TENM2: variants seen among roughly 807,000 people sequenced by gnomAD.
TENM2 encodes teneurin transmembrane protein 2.
A neutral mutation model predicts 245.2 loss-of-function variants in TENM2; 52 were observed. That is an observed-to-expected ratio of 0.21 (90% confidence interval 0.17 to 0.27). The LOEUF is 0.27. Ranked by LOEUF, TENM2 falls within the 10% of genes least tolerant of loss-of-function variation. The probability of loss-of-function intolerance (pLI) is 1.00; values close to 1 mark genes in which losing one functional copy is unlikely to be tolerated. For synonymous variants in TENM2, 1,363 were observed against 1,438.9 expected (o/e 0.95, Z 1.19); for missense variants, 3,046 against 3,666.8 (o/e 0.83, Z 4.37).
Position 168,052,079 on chromosome 5 carries a change from G to A in TENM2, c.1309+4530G>A, listed in dbSNP as rs139609211. ...GGTCGAGACCAGCCTGGGCAACAAA[G>A]TGAGACCTCATCCCTATTTTTAAAA... On this transcript the variant is annotated intron_variant, in intron 6 of 28. Transcript: ENST00000518659. 2.6e-5 allele frequency among the ~76,000 whole-genome samples: 4 copies of A among 152,004 alleles called. No homozygotes were observed. The East Asian group carries it at 7.8e-4, about 29-fold the overall frequency.
At chr5:167,350,411 A>ATGTGTGTG (rs745887386) in intron 1 of TENM2, among the ~76,000 whole-genome samples, 1 of 88,436 alleles carries the variant, frequency 1.1e-5, no homozygotes, top group African/African-American at 4.4e-5. Flanking sequence ...ATATACATAT[A>ATGTGTGTG]TATGTGTGTG....
At chr5:167,960,685 C>G (rs1780944447) in intron 4 of TENM2, among the ~76,000 whole-genome samples, 1 of 152,140 alleles carries the variant, frequency 6.6e-6, no homozygotes, top group Non-Finnish European at 1.5e-5. Flanking sequence ...TTGCTTCAGC[C>G]CCCTTTCCAG....
chr5:167,667,892 T>C (rs1755675353), intron 2 of TENM2, among the ~76,000 whole-genome samples: 1 of 152,194 alleles, frequency 6.6e-6, no homozygotes, highest in South Asian at 2.1e-4. Flanking sequence ...TCTGAGCACT[T>C]AAGATATGGC....
At chr5:168,082,269 T>A (rs1418780660) in intron 7 of TENM2, among the ~76,000 whole-genome samples, 1 of 152,236 alleles carries the variant, frequency 6.6e-6, no homozygotes, top group Non-Finnish European at 1.5e-5. Flanking sequence ...CGTGCCATGG[T>A]TTCAGCTCCA....
intron 2 of TENM2, among the ~76,000 whole-genome samples, chr5:167,471,660 C>T (rs1402980706): frequency 6.6e-6 from 1 of 152,166 alleles, no homozygotes; most frequent in Non-Finnish European, 1.5e-5. Flanking sequence ...AACAGAACAG[C>T]GTGGCAGACT....
chr5:168,091,645 A>C (rs766838497), intron 8 of TENM2, among the ~76,000 whole-genome samples: 1 of 152,212 alleles, frequency 6.6e-6, no homozygotes, highest in Non-Finnish European at 1.5e-5. Flanking sequence ...CAGAAGAATA[A>C]ATTGAGATTC....
intron 2 of TENM2, among the ~76,000 whole-genome samples, chr5:167,572,550 A>G (rs1443566693): frequency 2.0e-5 from 3 of 152,174 alleles, no homozygotes; most frequent in African/African-American, 7.2e-5. Context: ...TCTGCTTACC[A>G]TGAAAGGTAA....
At chr5:167,682,537 A>G (rs1756802120) in intron 2 of TENM2, among the ~76,000 whole-genome samples, 1 of 152,162 alleles carries the variant, frequency 6.6e-6, no homozygotes, top group South Asian at 2.1e-4. Flanking sequence ...TAAAATGATT[A>G]TCAATAATTT....
the TENM2 span, among the ~76,000 whole-genome samples, chr5:167,027,852 G>T: frequency 2.0e-4 from 30 of 152,116 alleles, no homozygotes; most frequent in African/African-American, 7.2e-4. Flanking sequence ...GCCGAGGCAG[G>T]TGGATCATTT....
At chr5:167,417,437 A>G (rs1338367942) in intron 2 of TENM2, among the ~76,000 whole-genome samples, 4 of 152,182 alleles carry the variant, frequency 2.6e-5, no homozygotes, top group Non-Finnish European at 5.9e-5. Context: ...AATTTTTATT[A>G]TAGCCCCTCA....
intron 4 of TENM2, among the ~76,000 whole-genome samples, chr5:167,986,865 C>T (rs1275923071): frequency 6.6e-6 from 1 of 152,190 alleles, no homozygotes; most frequent in Non-Finnish European, 1.5e-5. Context: ...CTTGGTCCTC[C>T]CTGTGACCAT....
chr5:167,103,993 T>C, the TENM2 span, among the ~76,000 whole-genome samples: 1 of 152,118 alleles, frequency 6.6e-6, no homozygotes, highest in African/African-American at 2.4e-5. Flanking sequence ...GGCAAACTTG[T>C]GTTTGGTCTT....
chr5:167,987,917 G>T (rs948174757), intron 4 of TENM2, among the ~76,000 whole-genome samples: 1 of 152,126 alleles, frequency 6.6e-6, no homozygotes, highest in Admixed American at 6.5e-5. Flanking sequence ...TCTACTTATC[G>T]TTGGTTTTTT....
chr5:167,625,283 G>A (rs1778428021), intron 2 of TENM2, among the ~76,000 whole-genome samples: 1 of 152,190 alleles, frequency 6.6e-6, no homozygotes. Context: ...TTAATTTTAT[G>A]TGTGATCGTG....
chr5:168,161,012 G>T (rs1045003083), intron 12 of TENM2, among the ~76,000 whole-genome samples: 7 of 151,964 alleles, frequency 4.6e-5, no homozygotes, highest in African/African-American at 1.7e-4. Context: ...GCCTGAGTGA[G>T]AGAGTGAGAC....
At chr5:168,102,811 C>T (rs1447760402) in intron 9 of TENM2, among the ~76,000 whole-genome samples, 1 of 152,174 alleles carries the variant, frequency 6.6e-6, no homozygotes, top group Non-Finnish European at 1.5e-5. Flanking sequence ...ACTCAATATG[C>T]ATCAGATATT....
intron 2 of TENM2, among the ~76,000 whole-genome samples, chr5:167,724,673 G>C (rs78581596): frequency 0.032 from 4,839 of 152,294 alleles, 100 homozygotes; most frequent in Middle Eastern, 0.065. Flanking sequence ...TGAGTTATCA[G>C]AGAAGACTTC....
intron 2 of TENM2, among the ~76,000 whole-genome samples, chr5:167,671,070 A>G (rs917345880): frequency 2.0e-5 from 3 of 151,970 alleles, no homozygotes; most frequent in Non-Finnish European, 2.9e-5. Context: ...TTTTTTCCCC[A>G]CCATTTGAAT....
chr5:167,725,869 C>A (rs936123200), intron 2 of TENM2, among the ~76,000 whole-genome samples: 2 of 152,156 alleles, frequency 1.3e-5, no homozygotes, highest in Non-Finnish European at 2.9e-5. Context: ...TCTACTTTAG[C>A]CCCTCCACCA....
Sources: gnomAD v4.1 joint callset for allele counts (sites outside exome capture counted in the v4.1 genomes callset) on GRCh38, gnomAD v4.1.1 for gene constraint, MANE v1.5 for transcripts, NCBI Gene and HGNC (gene_info 2026-07-23, HGNC 2026-07-21) for gene names.